RIGI: variants seen among roughly 807,000 people sequenced by gnomAD.
RIGI encodes the protein RNA sensor RIG-I.
chr9:32,457,704 G>C, the RIGI span, among the ~76,000 whole-genome samples: 142 of 152,204 alleles, frequency 9.3e-4, 1 homozygote, highest in Middle Eastern at 3.4e-3. Flanking sequence ...GCTTCTGAAG[G>C]TAGATACTCA....
the RIGI span, chr9:32,526,048 T>A: frequency 6.2e-7 from 1 of 1,600,434 alleles, no homozygotes; most frequent in Non-Finnish European, 8.6e-7. Context: ...AAGGCGCCGC[T>A]GGAGACACTC....
At chr9:32,478,752 G>A in the RIGI span, among the ~76,000 whole-genome samples, 2 of 151,918 alleles carry the variant, frequency 1.3e-5, no homozygotes, top group Non-Finnish European at 2.9e-5. Flanking sequence ...TAGAGATGGG[G>A]TTTCGCCATG....
chr9:32,496,398 A>G, the RIGI span, among the ~76,000 whole-genome samples: 1 of 152,200 alleles, frequency 6.6e-6, no homozygotes, highest in African/African-American at 2.4e-5. Context: ...CAGACTGAAT[A>G]AAGAAATTCA....
At chr9:32,514,596 G>T in the RIGI span, among the ~76,000 whole-genome samples, 2 of 152,052 alleles carry the variant, frequency 1.3e-5, no homozygotes, top group Non-Finnish European at 2.9e-5. Context: ...GATAGGGGAG[G>T]GATAGCATTA....
chr9:32,497,027 T>C, the RIGI span, among the ~76,000 whole-genome samples: 1 of 152,240 alleles, frequency 6.6e-6, no homozygotes, highest in Non-Finnish European at 1.5e-5. Flanking sequence ...TTTTACCTAT[T>C]CAAGATGCCT....
At chr9:32,472,481 C>T in the RIGI span, among the ~76,000 whole-genome samples, 17 of 152,182 alleles carry the variant, frequency 1.1e-4, no homozygotes, top group Non-Finnish European at 1.6e-4. Flanking sequence ...GAGATTTTAC[C>T]GATGGGATTC....
At chr9:32,491,713 C>CAA in the RIGI span, among the ~76,000 whole-genome samples, 270 of 100,402 alleles carry the variant, frequency 2.7e-3, no homozygotes, top group Middle Eastern at 5.0e-3. Context: ...TCGTATGCAC[C>CAA]AAAAAAAAAA....
the RIGI span, chr9:32,457,401 C>G: frequency 6.2e-7 from 1 of 1,613,056 alleles, no homozygotes; most frequent in African/African-American, 1.3e-5. Flanking sequence ...CATCTCCAAG[C>G]ACAGTGTAAT....
At chr9:32,491,338 T>C in the RIGI span, 1 of 1,613,570 alleles carries the variant, frequency 6.2e-7, no homozygotes. Context: ...GATTCTGGCA[T>C]TCTGGATCTT....
the RIGI span, chr9:32,473,169 C>T: frequency 1.0e-5 from 7 of 671,350 alleles, no homozygotes; most frequent in East Asian, 6.8e-5. Flanking sequence ...AGTTAGTACA[C>T]GTACAGTTTT....
the RIGI span, chr9:32,457,005 T>C: frequency 1.3e-6 from 1 of 777,798 alleles, no homozygotes. Flanking sequence ...GCTAAAGATA[T>C]TTTTAAAAAA....
the RIGI span, among the ~76,000 whole-genome samples, chr9:32,496,132 T>G: frequency 2.6e-5 from 4 of 152,250 alleles, no homozygotes; most frequent in Non-Finnish European, 5.9e-5. Context: ...TGCTTATGCT[T>G]CTGATATCAT....
chr9:32,495,975 C>A, the RIGI span, among the ~76,000 whole-genome samples: 7 of 152,128 alleles, frequency 4.6e-5, no homozygotes, highest in South Asian at 1.4e-3. Flanking sequence ...TGCAGGAGTT[C>A]TTGATATAGT....
At chr9:32,522,345 G>GAATTTATAAATTTATA in the RIGI span, among the ~76,000 whole-genome samples, 3 of 152,092 alleles carry the variant, frequency 2.0e-5, no homozygotes, top group African/African-American at 7.2e-5. Flanking sequence ...AATTTCTCCA[G>GAATTTATAAATTTATA]AATTTATAAA....
chr9:32,464,502 G>A, the RIGI span, among the ~76,000 whole-genome samples: 1 of 152,048 alleles, frequency 6.6e-6, no homozygotes, highest in Non-Finnish European at 1.5e-5. Context: ...CCATTCTCCT[G>A]CCTCAGCCTC....
chr9:32,488,072 G>C, the RIGI span: 1 of 1,614,128 alleles, frequency 6.2e-7, no homozygotes, highest in Non-Finnish European at 8.5e-7. Context: ...GATGGATAGT[G>C]ATGGAATCGT....
chr9:32,504,821 T>TAATACATAAAATATATAAAATATATTC, the RIGI span, among the ~76,000 whole-genome samples: 1 of 134,806 alleles, frequency 7.4e-6, no homozygotes, highest in Non-Finnish European at 1.5e-5. Flanking sequence ...AAAATATATT[T>TAATACATAAAATATATAAAATATATTC]AATACATAAA....
chr9:32,464,979 C>G, the RIGI span, among the ~76,000 whole-genome samples: 9 of 152,228 alleles, frequency 5.9e-5, no homozygotes, highest in Non-Finnish European at 8.8e-5. Context: ...TCTAGCCTCT[C>G]TCTTCCTCAA....
chr9:32,456,429 G>A, the RIGI span: 1 of 151,750 alleles, frequency 6.6e-6, no homozygotes, highest in Non-Finnish European at 1.5e-5. Context: ...CATACCACAC[G>A]TTGCTACACC....
Sources: allele counts gnomAD v4.1 joint callset (sites outside exome capture counted in the v4.1 genomes callset), GRCh38; gene constraint gnomAD v4.1.1; transcripts MANE v1.5; gene names NCBI Gene and HGNC (gene_info 2026-07-23, HGNC 2026-07-21).